The following PDSS2 variants were observed in gnomAD, a reference collection of about 807,000 sequenced individuals.
PDSS2 encodes the protein all trans-polyprenyl-diphosphate synthase PDSS2.
In PDSS2, 31 loss-of-function variants were observed where a neutral mutation model predicts 44.5. That is an observed-to-expected ratio of 0.70 (90% CI 0.52 to 0.94). The LOEUF is 0.94. PDSS2 is among the 40% of genes least tolerant of loss of function. The pLI is 0.00. For missense variants in PDSS2, 452 were observed against 482.2 expected, an observed-to-expected ratio of 0.94 and a Z score of 0.59; for synonymous variants, 157 against 180.3, an observed-to-expected ratio of 0.87 and a Z score of 1.03.
At chr6:107,247,878 G>C (rs1387329999) in intron 3 of PDSS2, among the ~76,000 whole-genome samples, 1 of 150,902 alleles carries the variant, frequency 6.6e-6, no homozygotes, top group Non-Finnish European at 1.5e-5. Flanking sequence ...AATTAGCTGG[G>C]CATGGTGGGG....
Position 107,153,363 on chromosome 6 carries a change from C to T in PDSS2, c.*1256G>A, listed in dbSNP as rs1027915379. On this transcript the variant is annotated 3_prime_UTR_variant, in exon 8 of 8. Transcript: ENST00000369037. ...CACAGAGACAGTGTCCGATTGCAGG[C>T]CTGTGAGATTGCTTATATTCTTTCT... The T allele has an allele frequency of 6.6e-6, 1 of 152,502 alleles. No homozygotes were observed. The highest frequency in any genetic ancestry group is 1.5e-5 in the Non-Finnish European group (1 of 68,024). The allele number at this position is 152,502 out of a possible 1,614,324, so 9.4% of individuals were successfully genotyped here.
intron 1 of PDSS2, among the ~76,000 whole-genome samples, chr6:107,407,842 G>A (rs143360447): frequency 0.015 from 2,251 of 151,432 alleles, 27 homozygotes; most frequent in Non-Finnish European, 0.021. Context: ...TGGGATTACA[G>A]GTGCCTGCCA....
At chr6:107,343,763 C>A (rs949188368) in intron 1 of PDSS2, among the ~76,000 whole-genome samples, 2 of 152,046 alleles carry the variant, frequency 1.3e-5, no homozygotes, top group Non-Finnish European at 2.9e-5. Context: ...ACATTTTAAA[C>A]CTGGTGTCAT....
At chr6:107,188,157 G>A (rs1163116663) in intron 7 of PDSS2, among the ~76,000 whole-genome samples, 1 of 151,998 alleles carries the variant, frequency 6.6e-6, no homozygotes, top group Non-Finnish European at 1.5e-5. Context: ...CGGGCAGATC[G>A]CTTTGAGTTC....
At chr6:107,300,582 AGGAG>A (rs1184853203) in intron 2 of PDSS2, among the ~76,000 whole-genome samples, 2 of 152,180 alleles carry the variant, frequency 1.3e-5, no homozygotes, top group Non-Finnish European at 2.9e-5. Context: ...GACTAAAAAG[AGGAG>A]GTAAAGAAAT....
At chr6:107,246,296 A>G (rs1226908316) in intron 3 of PDSS2, among the ~76,000 whole-genome samples, 1 of 152,138 alleles carries the variant, frequency 6.6e-6, no homozygotes, top group African/African-American at 2.4e-5. Flanking sequence ...AAAACAGTAA[A>G]TGGTCTCTTT....
At chr6:107,336,287 T>G (rs1284922728) in intron 1 of PDSS2, among the ~76,000 whole-genome samples, 1 of 151,248 alleles carries the variant, frequency 6.6e-6, no homozygotes, top group East Asian at 1.9e-4. Context: ...GGAAAATCTT[T>G]GCCCCTCCAG....
chr6:107,345,163 T>C (rs1384428782), intron 1 of PDSS2, among the ~76,000 whole-genome samples: 1 of 151,784 alleles, frequency 6.6e-6, no homozygotes, highest in Non-Finnish European at 1.5e-5. Context: ...CACCTCCCAC[T>C]ACCACAGCCC....
intron 4 of PDSS2, among the ~76,000 whole-genome samples, chr6:107,223,172 G>A (rs1479659378): frequency 2.0e-5 from 3 of 150,592 alleles, no homozygotes; most frequent in East Asian, 2.0e-4. Context: ...CTCATGATCC[G>A]CCCGCCTCAG....
In PDSS2 at chr6:107,210,539, T is replaced by C. The variant is rs545787240; in HGVS notation, c.908A>G (p.Glu303Gly). 8.2e-5 allele frequency: 131 copies of C among 1,602,714 alleles called. No individual in the cohort carries two copies. The South Asian group carries it at 1.4e-3, about 17-fold the overall frequency. The change falls in exon 6 of 8, where the codon GAA (glutamate) becomes GGA (glycine). Residue 303 changes from glutamate (E) to glycine (G), a missense_variant. Coordinates refer to ENST00000369037, the MANE Select transcript of PDSS2 (RefSeq NM_020381.4). The stretch of plus-strand genomic sequence containing the variant: ...AAAAGTCATGGAGTCACTGGTCTTT[T>C]CTTTAATAAAAGGCTGGACATCAGA... ...INSDVQPFIK[E>G]KTSDSMTFNL...
At position 107,456,275 on chromosome 6, in the gene PDSS2, T is replaced by C. The variant is rs538409866; in HGVS notation, c.296+2715A>G. On this transcript the variant is annotated intron_variant, in intron 1 of 7. Coordinates refer to ENST00000369037, the MANE Select transcript of PDSS2 (RefSeq NM_020381.4). Reference sequence around the variant, plus strand: ...GGTGGAAGCTGCAGTGAGCCGAGACTGTGCCACTGCACTCCAGCCTGGGCA... The same window carrying C: ...GGTGGAAGCTGCAGTGAGCCGAGACCGTGCCACTGCACTCCAGCCTGGGCA... Among the ~76,000 whole-genome samples the C allele has an allele frequency of 6.6e-5, 10 of 152,192 alleles. No individual in the cohort carries two copies. The South Asian group carries it at 1.9e-3, about 28-fold the overall frequency.
At chr6:107,156,576 C>G (rs1184634280) in intron 7 of PDSS2, among the ~76,000 whole-genome samples, 1 of 152,230 alleles carries the variant, frequency 6.6e-6, no homozygotes, top group Admixed American at 6.5e-5. Context: ...CTCAGGGTTG[C>G]TCATTCACAG....
At chr6:107,345,506 CAATT>C (rs1177521630) in intron 1 of PDSS2, among the ~76,000 whole-genome samples, 4 of 151,440 alleles carry the variant, frequency 2.6e-5, no homozygotes, top group African/African-American at 9.7e-5. Context: ...GTTCAACTGA[CAATT>C]ACTCATAACA....
chr6:107,280,650 G>T (rs1775930118), intron 2 of PDSS2, among the ~76,000 whole-genome samples: 1 of 152,070 alleles, frequency 6.6e-6, no homozygotes, highest in African/African-American at 2.4e-5. Context: ...TTGCGCCACT[G>T]CACTCCAGCC....
At chr6:107,417,153 A>G (rs991262581) in intron 1 of PDSS2, among the ~76,000 whole-genome samples, 7 of 152,214 alleles carry the variant, frequency 4.6e-5, no homozygotes, top group Non-Finnish European at 1.0e-4. Flanking sequence ...TCTCCTAAGG[A>G]TTAATAAGAA....
chr6:107,358,264 C>A (rs1271149931), intron 1 of PDSS2, among the ~76,000 whole-genome samples: 2 of 152,078 alleles, frequency 1.3e-5, no homozygotes, highest in African/African-American at 2.4e-5. Flanking sequence ...TATATATATG[C>A]AAATATTGCA....
intron 4 of PDSS2, among the ~76,000 whole-genome samples, chr6:107,237,068 T>G (rs1172817171): frequency 2.0e-5 from 3 of 151,998 alleles, no homozygotes; most frequent in African/African-American, 7.3e-5. Flanking sequence ...CCCAAGTAGT[T>G]GGGACTACAG....
chr6:107,255,320 G>A (rs1257586519), intron 3 of PDSS2, among the ~76,000 whole-genome samples: 2 of 149,880 alleles, frequency 1.3e-5, no homozygotes, highest in Admixed American at 6.7e-5. Flanking sequence ...AGCCTCCCAA[G>A]TAGCTGGGAT....
intron 1 of PDSS2, among the ~76,000 whole-genome samples, chr6:107,401,342 T>C (rs975966002): frequency 1.3e-5 from 2 of 152,132 alleles, no homozygotes; most frequent in Non-Finnish European, 2.9e-5. Context: ...ACAGTGTCTA[T>C]ACCAGTGAAT....
Sources: allele counts gnomAD v4.1 joint callset (sites outside exome capture counted in the v4.1 genomes callset), GRCh38; gene constraint gnomAD v4.1.1; transcripts MANE v1.5; gene names NCBI Gene and HGNC (gene_info 2026-07-23, HGNC 2026-07-21).